PLD1: variants seen among roughly 807,000 people sequenced by gnomAD.
PLD1 encodes the protein phospholipase D1.
A neutral mutation model predicts 137.1 loss-of-function variants in PLD1; 112 were observed. That is an observed-to-expected ratio of 0.82 (90% CI 0.70 to 0.96). PLD1 has a LOEUF of 0.96. Ranked by LOEUF, PLD1 falls within the 40% of genes least tolerant of loss-of-function variation. The pLI, the probability that PLD1 is intolerant of heterozygous loss-of-function variation, is 0.00. For missense variants in PLD1, 1,321 were observed against 1,342.0 expected (o/e 0.98, Z 0.24); for synonymous variants, 431 against 454.7 (o/e 0.95, Z 0.66).
intron 1 of PLD1, among the ~76,000 whole-genome samples, chr3:171,758,955 G>A (rs1282701918): frequency 1.3e-5 from 2 of 152,168 alleles, no homozygotes; most frequent in African/African-American, 2.4e-5. Flanking sequence ...TAAGTCTTTG[G>A]CAAATACAGA....
At chr3:171,695,165 G>A (rs934374206) in intron 12 of PLD1, among the ~76,000 whole-genome samples, 1 of 152,144 alleles carries the variant, frequency 6.6e-6, no homozygotes, top group Non-Finnish European at 1.5e-5. Flanking sequence ...CATTTTCCAG[G>A]TTGTTATAGT....
intron 1 of PLD1, among the ~76,000 whole-genome samples, chr3:171,794,298 ATATT>A (rs1723342674): frequency 6.6e-6 from 1 of 152,208 alleles, no homozygotes; most frequent in South Asian, 2.1e-4. Context: ...CCTAATTTAT[ATATT>A]ACATTTTATC....
At chr3:171,654,146 CA>C (rs1164084570) in intron 21 of PLD1, 14 of 360,728 alleles carry the variant, frequency 3.9e-5, no homozygotes, top group Admixed American at 6.8e-5. Context: ...ACCAAAAATA[CA>C]AAAAAATTAG....
chr3:171,801,131 T>G (rs1042757861), intron 1 of PLD1, among the ~76,000 whole-genome samples: 4 of 152,256 alleles, frequency 2.6e-5, no homozygotes, highest in Admixed American at 2.6e-4. Flanking sequence ...GTCCTGCCTT[T>G]GGATGACTGC....
chr3:171,677,608 A>T lies in PLD1; in HGVS notation c.1954T>A (p.Phe652Ile). ...RFWHGKDYCN[F>I]VFKDWVQLDK... ...AGTTGAACCCAGTCTTTGAAGACGA[A>T]ATTGCAGTAGTCCTTTCCATGCCAG... Residue 652 changes from phenylalanine (F) to isoleucine (I), a missense_variant, in exon 17 of 27, where the codon TTC (phenylalanine) becomes ATC (isoleucine). Coordinates refer to ENST00000351298, the MANE Select transcript of PLD1 (RefSeq NM_002662.5). 6.2e-7 allele frequency: 1 copy of T among 1,614,052 alleles called. No individual in the cohort carries two copies. Among genetic ancestry groups the T allele is most frequent in the South Asian group, 1.1e-5 (1 of 91,086 alleles).
At chr3:171,631,622 CTTG>C (rs1734670812) in intron 23 of PLD1, among the ~76,000 whole-genome samples, 1 of 152,060 alleles carries the variant, frequency 6.6e-6, no homozygotes, top group Non-Finnish European at 1.5e-5. Context: ...TCTGGGACAC[CTTG>C]TTGTGCCAGT....
chr3:171,639,543 A>T (rs1297735954), intron 23 of PLD1, among the ~76,000 whole-genome samples: 1 of 104,022 alleles, frequency 9.6e-6, no homozygotes, highest in East Asian at 2.4e-4. Flanking sequence ...TATTATATAA[A>T]TATATATTCA....
intron 1 of PLD1, among the ~76,000 whole-genome samples, chr3:171,756,218 T>C (rs1204573424): frequency 1.3e-5 from 2 of 152,230 alleles, no homozygotes; most frequent in Admixed American, 1.3e-4. Context: ...AGAGTGGTCT[T>C]GATGCTGTGG....
chr3:171,665,721 C>G (rs965383491), intron 19 of PLD1, among the ~76,000 whole-genome samples: 1 of 151,466 alleles, frequency 6.6e-6, no homozygotes, highest in Non-Finnish European at 1.5e-5. Flanking sequence ...AAAAAAAGAC[C>G]ATTTTATATA....
In PLD1 at chr3:171,676,763, C is replaced by T. The variant is rs764349178; in HGVS notation, c.2067G>A (p.Ala689=). 35 of 1,614,036 alleles carry T rather than the reference C, an allele frequency of 2.2e-5. No homozygotes were observed. The highest frequency in any genetic ancestry group is 2.8e-5 in the Non-Finnish European group (33 of 1,180,020). ...HDIASAVHGK[A]ARDVARHFIQ... is the part of the protein sequence containing the mutation. ...TGAAGTGACGTGCCACATCACGAGC[C>T]GCCTTCCCGTGGACTGCAGAGGCAA... Residue 689 remains alanine, a synonymous_variant, in exon 18 of 27, where the codon GCG becomes GCA. Transcript: ENST00000351298.
intron 1 of PLD1, among the ~76,000 whole-genome samples, chr3:171,805,762 GT>G (rs1441152421): frequency 1.3e-5 from 2 of 152,202 alleles, no homozygotes; most frequent in African/African-American, 4.8e-5. Context: ...CACAGGTTAT[GT>G]TTTTTTCTAG....
chr3:171,673,472 G>C (rs1311646378), intron 19 of PLD1, among the ~76,000 whole-genome samples: 1 of 151,750 alleles, frequency 6.6e-6, no homozygotes. Context: ...GTAGAGACAG[G>C]GTTGGCCAGG....
intron 13 of PLD1, among the ~76,000 whole-genome samples, 188 bp from the exon 14 acceptor site, chr3:171,689,064 C>T (rs1714870621): frequency 6.6e-6 from 1 of 151,902 alleles, no homozygotes; most frequent in South Asian, 2.1e-4. Flanking sequence ...AAAAAAGACT[C>T]CTATTTACTC....
intron 19 of PLD1, among the ~76,000 whole-genome samples, chr3:171,667,649 A>G (rs1394341452): frequency 2.0e-5 from 3 of 152,238 alleles, no homozygotes; most frequent in Non-Finnish European, 4.4e-5. Context: ...TTGCTCTGCT[A>G]GAGCCCCAGC....
chr3:171,660,800 G>A (rs1225412941), intron 20 of PLD1, among the ~76,000 whole-genome samples: 2 of 151,884 alleles, frequency 1.3e-5, no homozygotes, highest in Non-Finnish European at 2.9e-5. Flanking sequence ...TAGAGACGGG[G>A]TTTCACCATG....
Position 171,688,876 on chromosome 3 carries a change from C to A in PLD1, c.1339G>T (p.Val447Leu). The change falls in exon 14 of 27, where the codon GTG becomes TTG. Residue 447 changes from valine (V) to leucine (L), a missense_variant and splice_region_variant. Val to Leu is a conservative substitution (Grantham distance 32, BLOSUM62 1). Coordinates refer to ENST00000351298, the MANE Select transcript of PLD1 (RefSeq NM_002662.5). ...TLMRLHPNIK[V>L]MRHPDHVSST... is the part of the protein sequence containing the mutation. ...GACACATGATCCGGGTGTCTCATCA[C>A]CTTGAGAGGGAATAATCCCCACTGA... The A allele has an allele frequency of 6.2e-7, 1 of 1,610,680 alleles. No homozygotes were observed. Among genetic ancestry groups the A allele is most frequent in the South Asian group, 1.1e-5 (1 of 90,968 alleles).
chr3:171,719,004 T>G (rs1180390182), intron 8 of PLD1, among the ~76,000 whole-genome samples: 3 of 152,152 alleles, frequency 2.0e-5, no homozygotes, highest in African/African-American at 2.4e-5. Context: ...ATAAGCCCAC[T>G]TGAGCCAGCC....
intron 1 of PLD1, among the ~76,000 whole-genome samples, chr3:171,752,924 C>T (rs953120862): frequency 6.6e-6 from 1 of 152,156 alleles, no homozygotes; most frequent in Non-Finnish European, 1.5e-5. Flanking sequence ...ATGATCTAGG[C>T]ATTCATTTGG....
intron 5 of PLD1, among the ~76,000 whole-genome samples, chr3:171,734,035 C>A (rs1160252859): frequency 6.6e-6 from 1 of 152,134 alleles, no homozygotes; most frequent in Non-Finnish European, 1.5e-5. Flanking sequence ...GGCACTGGAG[C>A]AACATATGTC....
Sources: gnomAD v4.1 joint callset for allele counts (sites outside exome capture counted in the v4.1 genomes callset) on GRCh38, gnomAD v4.1.1 for gene constraint, MANE v1.5 for transcripts, NCBI Gene and HGNC (gene_info 2026-07-23, HGNC 2026-07-21) for gene names.